Variants in TXNL1 observed in about 807,000 individuals in gnomAD.
The protein encoded by TXNL1 is thioredoxin-like protein 1.
A neutral mutation model predicts 35.5 loss-of-function variants in TXNL1; 14 were observed. That is an observed-to-expected ratio of 0.39 (90% CI 0.26 to 0.62). The LOEUF is 0.62. Ranked by LOEUF, TXNL1 falls within the 20% of genes least tolerant of loss-of-function variation. The probability of loss-of-function intolerance (pLI) is 0.47; values close to 1 mark genes in which losing one functional copy is unlikely to be tolerated. For missense variants in TXNL1, 263 were observed against 349.7 expected, an observed-to-expected ratio of 0.75 and a Z score of 1.98; for synonymous variants, 110 against 115.5, an observed-to-expected ratio of 0.95 and a Z score of 0.31.
intron 1 of TXNL1, 89 bp downstream of exon 1, chr18:56,638,254 C>A: frequency 7.3e-7 from 1 of 1,368,946 alleles, no homozygotes; most frequent in Non-Finnish European, 9.9e-7. Flanking sequence ...TCCGGGGCAG[C>A]AGACGGCTAG....
At chr18:56,613,408 C>T (rs1209466228) in intron 6 of TXNL1, among the ~76,000 whole-genome samples, 1 of 152,100 alleles carries the variant, frequency 6.6e-6, no homozygotes, top group Non-Finnish European at 1.5e-5. Flanking sequence ...GGTTTCAATG[C>T]TAAATTTTTT....
intron 4 of TXNL1, among the ~76,000 whole-genome samples, chr18:56,616,559 T>C (rs987271039): frequency 2.0e-5 from 3 of 152,156 alleles, no homozygotes; most frequent in African/African-American, 7.2e-5. Context: ...ATACTAAAAC[T>C]ATGCATAGGA....
At chr18:56,631,150 G>A (rs1016266735) in intron 1 of TXNL1, among the ~76,000 whole-genome samples, 1 of 152,110 alleles carries the variant, frequency 6.6e-6, no homozygotes, top group African/African-American at 2.4e-5. Flanking sequence ...AAAGTACTGG[G>A]ATTACAAGTG....
intron 7 of TXNL1, chr18:56,605,304 G>C (rs2023872456): frequency 6.6e-6 from 1 of 152,144 alleles, no homozygotes. Context: ...GAGGGGAGTA[G>C]AGTGAGACAA....
At chr18:56,606,398 A>C (rs1201052659) in intron 7 of TXNL1, among the ~76,000 whole-genome samples, 1 of 152,182 alleles carries the variant, frequency 6.6e-6, no homozygotes, top group Non-Finnish European at 1.5e-5. Context: ...AAAAAATTTC[A>C]ATTCTAATTA....
In TXNL1 at chr18:56,598,326, A is replaced by G. The variant is rs2023768781; in HGVS notation, c.*4701T>C. The G allele has an allele frequency of 1.3e-5, 2 of 152,186 alleles. No individual in the cohort carries two copies. The highest frequency in any genetic ancestry group is 4.1e-4 in the South Asian group (2 of 4,834). The allele number at this position is 152,186 out of a possible 1,614,324, so 9.4% of individuals were successfully genotyped here. On this transcript the variant is annotated 3_prime_UTR_variant, in exon 8 of 8. Transcript: ENST00000217515. ...ACTACAGATCATTACAAGTAGCTTG[A>G]TAAGTATCCGGATGAAATAATGGCA... is the stretch of plus-strand genomic sequence containing the variant.
In TXNL1 at chr18:56,603,014, T is replaced by C. The variant is rs2023832789; in HGVS notation, c.*13A>G. ...ATCTGATTGCAATATGGTTGTCCAG[T>C]GTCTTTTGTACCTTAGTGGCTTTCT... On this transcript the variant is annotated 3_prime_UTR_variant, in exon 8 of 8. Coordinates refer to ENST00000217515, the MANE Select transcript of TXNL1 (RefSeq NM_004786.3). 2 of 1,613,672 alleles carry C rather than the reference T, an allele frequency of 1.2e-6. No homozygotes were observed. The highest frequency in any genetic ancestry group is 1.3e-5 in the African/African-American group (1 of 74,924).
chr18:56,600,864 AC>A lies in TXNL1; in HGVS notation c.*2162del, dbSNP rs2023802200. ...CAAAGACTTCCTACTGCAATACCTG[AC>A]TTTCGTTTCTATTATGAACACGATA... On this transcript the variant is annotated 3_prime_UTR_variant, in exon 8 of 8. Transcript: ENST00000217515. 2 of 152,322 alleles carry A rather than the reference AC, an allele frequency of 1.3e-5. No individual in the cohort carries two copies. Among genetic ancestry groups the A allele is most frequent in the South Asian group, 4.1e-4 (2 of 4,820 alleles). The allele number at this position is 152,322 out of a possible 1,614,324, so 9.4% of individuals were successfully genotyped here.
At chr18:56,625,215 G>A (rs1198696596) in intron 2 of TXNL1, among the ~76,000 whole-genome samples, 1 of 151,956 alleles carries the variant, frequency 6.6e-6, no homozygotes, top group East Asian at 1.9e-4. Flanking sequence ...AAAGCCTCTA[G>A]GTGAAAAAAC....
Position 56,618,034 on chromosome 18 carries a change from T to G in TXNL1, c.462A>C (p.Thr154=), listed in dbSNP as rs762880061. 1 of 1,613,940 alleles carries G rather than the reference T, an allele frequency of 6.2e-7. No individual in the cohort carries two copies. The highest frequency in any genetic ancestry group is 8.5e-7 in the Non-Finnish European group (1 of 1,179,974). The change falls in exon 4 of 8, where the codon ACA becomes ACC. Residue 154 remains threonine, a synonymous_variant. Coordinates refer to ENST00000217515, the MANE Select transcript of TXNL1 (RefSeq NM_004786.3). ...CATCACAGTCAGATTCCAAGAAGGT[T>G]GTGTCTTTTCGTAAACAGTTGTCAA... ...HGFDNCLRKD[T]TFLESDCDEQ...
At chr18:56,619,196 A>C (rs1362069671) in intron 3 of TXNL1, among the ~76,000 whole-genome samples, 1 of 148,858 alleles carries the variant, frequency 6.7e-6, no homozygotes, top group Non-Finnish European at 1.5e-5. Flanking sequence ...CCCAGGCAGC[A>C]GAGCAAGACC....
chr18:56,613,591 A>G (rs2024032100), intron 6 of TXNL1, among the ~76,000 whole-genome samples: 1 of 152,108 alleles, frequency 6.6e-6, no homozygotes, highest in African/African-American at 2.4e-5. Context: ...AGGTGGGAGG[A>G]CTGCTTGAGC....
At chr18:56,627,489 T>C (rs1221788162) in intron 1 of TXNL1, among the ~76,000 whole-genome samples, 5 of 152,206 alleles carry the variant, frequency 3.3e-5, no homozygotes, top group Non-Finnish European at 5.9e-5. Context: ...TTAAGAACTA[T>C]CATAAACCTT....
At chr18:56,611,640 A>G (rs528414631) in intron 6 of TXNL1, among the ~76,000 whole-genome samples, 4 of 152,282 alleles carry the variant, frequency 2.6e-5, no homozygotes, top group African/African-American at 4.8e-5. Flanking sequence ...ACCCATATAT[A>G]TAAGTTCATG....
intron 6 of TXNL1, among the ~76,000 whole-genome samples, chr18:56,612,197 G>A (rs7244463): frequency 6.6e-6 from 1 of 151,398 alleles, no homozygotes; most frequent in Non-Finnish European, 1.5e-5. Context: ...TGTTGAAAGG[G>A]TATTAAGAGT....
intron 1 of TXNL1, among the ~76,000 whole-genome samples, chr18:56,637,275 A>C (rs1290460463): frequency 6.6e-6 from 1 of 152,176 alleles, no homozygotes; most frequent in Non-Finnish European, 1.5e-5. Flanking sequence ...TGAAATTCAA[A>C]ATGGAATTTT....
chr18:56,602,913 T>C lies in TXNL1; in HGVS notation c.*114A>G. ...AGTGATACCATCTGAACAAAAGCAATGATTTATTGGTAATGGCAATGAATG... is the reference window on the plus strand; with the variant it reads ...AGTGATACCATCTGAACAAAAGCAACGATTTATTGGTAATGGCAATGAATG... On this transcript the variant is annotated 3_prime_UTR_variant, in exon 8 of 8. Transcript: ENST00000217515. 9.0e-7 allele frequency: 1 copy of C among 1,112,550 alleles called. No homozygotes were observed. Among genetic ancestry groups the C allele is most frequent in the South Asian group, 1.3e-5 (1 of 77,220 alleles). The allele number at this position is 1,112,550 out of a possible 1,614,324, so 68.9% of individuals were successfully genotyped here.
chr18:56,618,356 C>T (rs1004519380), intron 3 of TXNL1, among the ~76,000 whole-genome samples: 2 of 152,114 alleles, frequency 1.3e-5, no homozygotes, highest in African/African-American at 4.8e-5. Context: ...GAAATGATGT[C>T]TTTAAGATTA....
At chr18:56,611,797 G>A (rs759637224) in intron 6 of TXNL1, among the ~76,000 whole-genome samples, 15 of 148,496 alleles carry the variant, frequency 1.0e-4, no homozygotes, top group Non-Finnish European at 2.2e-4. Context: ...AGGTTCAAAC[G>A]ATTCTCCAGC....
Sources: gnomAD v4.1 joint callset for allele counts (sites outside exome capture counted in the v4.1 genomes callset) on GRCh38, gnomAD v4.1.1 for gene constraint, MANE v1.5 for transcripts, NCBI Gene and HGNC (gene_info 2026-07-23, HGNC 2026-07-21) for gene names.